MACROD2: variants seen among roughly 807,000 people sequenced by gnomAD.
MACROD2 encodes the protein mono-ADP ribosylhydrolase 2.
MACROD2 carries 36 observed loss-of-function variants against 70.4 expected under a neutral mutation model. That is an observed-to-expected ratio of 0.51 (90% CI 0.39 to 0.68). MACROD2 has a LOEUF of 0.68. Among genes scored for constraint, MACROD2 ranks in the 30% least tolerant of loss-of-function variants. The pLI, the probability that MACROD2 is intolerant of heterozygous loss-of-function variation, is 0.00. For synonymous variants in MACROD2, 172 were observed against 178.8 expected (o/e 0.96, Z 0.30); for missense variants, 496 against 538.4 (o/e 0.92, Z 0.78).
At chr20:14,269,999 T>C (rs951199632) in intron 3 of MACROD2, among the ~76,000 whole-genome samples, 3 of 152,156 alleles carry the variant, frequency 2.0e-5, no homozygotes, top group Non-Finnish European at 4.4e-5. Context: ...GAAATCTGCA[T>C]TATATGGGCA....
At chr20:14,352,610 T>G (rs2083134048) in intron 3 of MACROD2, among the ~76,000 whole-genome samples, 1 of 152,148 alleles carries the variant, frequency 6.6e-6, no homozygotes, top group African/African-American at 2.4e-5. Context: ...TCAGTAACAT[T>G]GAGTAGTGTT....
intron 3 of MACROD2, among the ~76,000 whole-genome samples, chr20:14,469,936 A>G (rs1238760673): frequency 6.6e-6 from 1 of 151,900 alleles, no homozygotes; most frequent in African/African-American, 2.4e-5. Context: ...CTGTCAATTC[A>G]TCAAACTCAT....
intron 5 of MACROD2, among the ~76,000 whole-genome samples, chr20:14,818,527 A>T (rs1600695020): frequency 6.6e-6 from 1 of 152,136 alleles, no homozygotes; most frequent in East Asian, 1.9e-4. Flanking sequence ...TGAAACATTC[A>T]GATGATTTCA....
At chr20:14,941,024 G>A (rs2074385261) in intron 5 of MACROD2, among the ~76,000 whole-genome samples, 1 of 151,954 alleles carries the variant, frequency 6.6e-6, no homozygotes, top group South Asian at 2.1e-4. Context: ...CAGATCCTGG[G>A]CTTTTCTTTG....
intron 3 of MACROD2, among the ~76,000 whole-genome samples, chr20:14,349,814 C>CT (rs538685508): frequency 0.031 from 4,076 of 132,134 alleles, 151 homozygotes; most frequent in African/African-American, 0.078. Context: ...TTCTTTTTTT[C>CT]TTTTTTTTTT....
chr20:14,158,776 T>C (rs902265827), intron 3 of MACROD2, among the ~76,000 whole-genome samples: 17 of 152,202 alleles, frequency 1.1e-4, no homozygotes, highest in African/African-American at 4.1e-4. Context: ...ATGTGTTAGT[T>C]TTTATACCAA....
chr20:14,294,320 A>G (rs2082410094), intron 3 of MACROD2, among the ~76,000 whole-genome samples: 2 of 150,932 alleles, frequency 1.3e-5, no homozygotes, highest in South Asian at 2.1e-4. Flanking sequence ...AAAGCCTACT[A>G]GATGAATAGT....
At chr20:14,951,715 G>A (rs2074477609) in intron 5 of MACROD2, among the ~76,000 whole-genome samples, 1 of 152,006 alleles carries the variant, frequency 6.6e-6, no homozygotes, top group African/African-American at 2.4e-5. Flanking sequence ...TATTTTTCAA[G>A]CTCATGAAAC....
intron 8 of MACROD2, among the ~76,000 whole-genome samples, chr20:15,809,814 A>G (rs984216904): frequency 6.6e-6 from 1 of 151,330 alleles, no homozygotes; most frequent in Non-Finnish European, 1.5e-5. Context: ...ATACAGGGAG[A>G]GTCAGTCTTG....
intron 6 of MACROD2, among the ~76,000 whole-genome samples, chr20:15,401,969 A>G (rs944199893): frequency 6.6e-6 from 1 of 152,210 alleles, no homozygotes; most frequent in Non-Finnish European, 1.5e-5. Context: ...AATTTCCTAA[A>G]TATCATTTAT....
intron 8 of MACROD2, among the ~76,000 whole-genome samples, chr20:15,717,221 T>C (rs567244574): frequency 6.6e-6 from 1 of 152,220 alleles, no homozygotes; most frequent in South Asian, 2.1e-4. Context: ...CCCAATCAAT[T>C]TGATTTCTTT....
intron 6 of MACROD2, among the ~76,000 whole-genome samples, chr20:15,372,406 A>G (rs1033022342): frequency 2.0e-5 from 3 of 152,246 alleles, no homozygotes; most frequent in African/African-American, 7.2e-5. Context: ...TAATTTTTAC[A>G]GTTGAATGGG....
intron 8 of MACROD2, among the ~76,000 whole-genome samples, chr20:15,616,616 C>T (rs768549880): frequency 4.6e-5 from 7 of 152,142 alleles, no homozygotes; most frequent in Non-Finnish European, 7.3e-5. Flanking sequence ...TACCTCTAGA[C>T]GCTGGCTTGG....
intron 3 of MACROD2, among the ~76,000 whole-genome samples, chr20:14,154,772 T>C (rs1426630779): frequency 6.6e-6 from 1 of 152,130 alleles, no homozygotes; most frequent in Non-Finnish European, 1.5e-5. Flanking sequence ...AATTCTGGTG[T>C]CATATTCCTT....
At chr20:15,977,104 A>C (rs2066317696) in intron 13 of MACROD2, among the ~76,000 whole-genome samples, 3 of 152,132 alleles carry the variant, frequency 2.0e-5, no homozygotes, top group Admixed American at 6.6e-5. Flanking sequence ...CCCTCTCTGG[A>C]TGCTCTACTC....
At chr20:14,878,532 A>C (rs1359358094) in intron 5 of MACROD2, among the ~76,000 whole-genome samples, 1 of 152,164 alleles carries the variant, frequency 6.6e-6, no homozygotes, top group African/African-American at 2.4e-5. Flanking sequence ...GAAACATTAC[A>C]AAATAGAGAT....
intron 6 of MACROD2, among the ~76,000 whole-genome samples, chr20:15,252,983 C>G (rs2077168871): frequency 6.6e-6 from 1 of 152,154 alleles, no homozygotes; most frequent in South Asian, 2.1e-4. Flanking sequence ...CTGTATCAGT[C>G]AGGATTCAGT....
At chr20:15,910,133 A>G (rs2065214114) in intron 10 of MACROD2, among the ~76,000 whole-genome samples, 2 of 152,196 alleles carry the variant, frequency 1.3e-5, no homozygotes, top group South Asian at 4.1e-4. Flanking sequence ...CGCCATCATC[A>G]ACTCACTTTT....
chr20:14,320,663 ATTTTTTTTT>A (rs11087086), intron 3 of MACROD2, among the ~76,000 whole-genome samples: 474 of 123,702 alleles, frequency 3.8e-3, no homozygotes, highest in African/African-American at 7.0e-3. Context: ...CACCTTTGGA[ATTTTTTTTT>A]TTTTTTTTTT....
Sources: allele counts gnomAD v4.1 joint callset (sites outside exome capture counted in the v4.1 genomes callset), GRCh38; gene constraint gnomAD v4.1.1; transcripts MANE v1.5; gene names NCBI Gene and HGNC (gene_info 2026-07-23, HGNC 2026-07-21).